The following NEDD9 variants were observed in gnomAD, a reference collection of about 807,000 sequenced individuals.
NEDD9 encodes enhancer of filamentation 1.
A neutral mutation model predicts 76.6 loss-of-function variants in NEDD9; 26 were observed. The observed-to-expected ratio is 0.34, with a 90% confidence interval of 0.25 to 0.47. The LOEUF is 0.47. Ranked by LOEUF, NEDD9 falls within the 20% of genes least tolerant of loss-of-function variation. NEDD9 has a pLI of 1.00. For synonymous variants in NEDD9, 392 were observed against 414.2 expected, an observed-to-expected ratio of 0.95 and a Z score of 0.65; for missense variants, 937 against 1,058.5, an observed-to-expected ratio of 0.89 and a Z score of 1.59.
Position 11,190,278 on chromosome 6 carries a change from A to T in NEDD9, c.1591T>A (p.Phe531Ile). The change falls in exon 5 of 7, where the codon TTT becomes ATT. Residue 531 changes from phenylalanine to isoleucine, a missense_variant. Coordinates refer to ENST00000379446, the MANE Select transcript of NEDD9 (RefSeq NM_006403.4). The surrounding 1 kb of genome is among the most constrained non-coding windows in gnomAD (Gnocchi z 5.8). ...GGCACCGTCTTTGCCACCATCACAA[A>T]CCGGTCCAGATCGTCACACTTGTTC... ...PQNKCDDLDR[F>I]VMVAKTVPDD... 1 of 1,614,082 alleles carries T rather than the reference A, an allele frequency of 6.2e-7. No individual in the cohort carries two copies. The highest frequency in any genetic ancestry group is 1.1e-5 in the South Asian group (1 of 91,066).
intron 2 of NEDD9, among the ~76,000 whole-genome samples, chr6:11,307,277 A>G (rs559112566): frequency 6.6e-6 from 1 of 152,148 alleles, no homozygotes; most frequent in Non-Finnish European, 1.5e-5. Flanking sequence ...TTCTACCAGG[A>G]TGGGAACAGC....
chr6:11,355,696 A>G (rs1339352362), intron 1 of NEDD9, among the ~76,000 whole-genome samples: 2 of 151,490 alleles, frequency 1.3e-5, no homozygotes, highest in Non-Finnish European at 2.9e-5. Context: ...TTTTCAAACC[A>G]TATTTTTGAG....
intron 1 of NEDD9, among the ~76,000 whole-genome samples, chr6:11,335,807 A>C (rs1762145564): frequency 6.6e-6 from 1 of 152,256 alleles, no homozygotes; most frequent in Non-Finnish European, 1.5e-5. Context: ...AGGATCTAAA[A>C]TTCACAGTCC....
chr6:11,339,286 T>C (rs1050715460), intron 1 of NEDD9, among the ~76,000 whole-genome samples: 2 of 152,246 alleles, frequency 1.3e-5, no homozygotes, highest in African/African-American at 4.8e-5. Context: ...GACTGCATAG[T>C]ATTTCTTTGA....
chr6:11,216,875 A>G (rs1323642960), intron 1 of NEDD9, among the ~76,000 whole-genome samples: 1 of 152,196 alleles, frequency 6.6e-6, no homozygotes, highest in Non-Finnish European at 1.5e-5. Flanking sequence ...CTTGCTCAGG[A>G]TTACATTTCA....
At chr6:11,246,152 G>A (rs1041129958) in intron 3 of NEDD9, among the ~76,000 whole-genome samples, 1 of 152,182 alleles carries the variant, frequency 6.6e-6, no homozygotes, top group African/African-American at 2.4e-5. Flanking sequence ...AAGGATAAAA[G>A]AATGTCATGG....
intron 2 of NEDD9, among the ~76,000 whole-genome samples, chr6:11,309,471 A>G (rs576915986): frequency 1.4e-4 from 21 of 152,230 alleles, no homozygotes; most frequent in African/African-American, 5.1e-4. Flanking sequence ...TGTGTTGCCC[A>G]GGCTGCCTCA....
At chr6:11,228,240 T>C (rs953788239) in intron 1 of NEDD9, among the ~76,000 whole-genome samples, 1 of 151,752 alleles carries the variant, frequency 6.6e-6, no homozygotes, top group Non-Finnish European at 1.5e-5. Context: ...GGGAGAGAAT[T>C]TGCAAAAAGG....
At chr6:11,363,065 A>T (rs1394666033) in intron 1 of NEDD9, among the ~76,000 whole-genome samples, 1 of 152,198 alleles carries the variant, frequency 6.6e-6, no homozygotes, top group Admixed American at 6.5e-5. Flanking sequence ...TGAAAAAAAA[A>T]ATACTAAAAG....
intron 2 of NEDD9, among the ~76,000 whole-genome samples, chr6:11,202,147 G>A (rs1444795167): frequency 2.0e-5 from 3 of 152,288 alleles, no homozygotes; most frequent in East Asian, 3.9e-4. Context: ...TTAAAAGTAG[G>A]TTTTACTAAG....
intron 3 of NEDD9, among the ~76,000 whole-genome samples, chr6:11,267,867 C>T (rs1453079604): frequency 6.6e-5 from 10 of 151,888 alleles, no homozygotes; most frequent in South Asian, 2.1e-4. Context: ...AGTATTATGC[C>T]GTAAGAATAG....
At chr6:11,298,959 G>A (rs1406264166) in intron 3 of NEDD9, among the ~76,000 whole-genome samples, 3 of 152,192 alleles carry the variant, frequency 2.0e-5, no homozygotes, top group African/African-American at 7.2e-5. Context: ...TTCCAACTGA[G>A]GCACCTGATT....
In NEDD9 at chr6:11,291,153, C is replaced by T. The variant is rs368362234; in HGVS notation, c.12+14839G>A. Among the ~76,000 whole-genome samples the T allele has an allele frequency of 7.2e-5, 11 of 151,950 alleles. No homozygotes were observed. In the East Asian group the frequency reaches 7.7e-4, roughly 11 times the overall value. On this transcript the variant is annotated intron_variant, in intron 3 of 3. Transcript: ENST00000397378. The stretch of plus-strand genomic sequence containing the variant: ...GTTGTGCTGAGCCACTGAGCTTGTA[C>T]GATTTCCTTGCTACTGCGGTTCACT...
intron 3 of NEDD9, among the ~76,000 whole-genome samples, chr6:11,304,509 A>T (rs1761129363): frequency 6.6e-6 from 1 of 152,246 alleles, no homozygotes; most frequent in African/African-American, 2.4e-5. Context: ...ATGCACACGT[A>T]TGTTTATTGG....
rs111447705 is a variant in NEDD9, at chr6:11,213,315, A to G, written c.425T>C (p.Ile142Thr). 6.3e-5 allele frequency: 101 copies of G among 1,611,914 alleles called. 2 individuals carry two copies. Among genetic ancestry groups the G allele is most frequent in the African/African-American group, 3.1e-4 (23 of 74,974 alleles). The change falls in exon 2 of 7, where the codon ATT becomes ACT. Residue 142 changes from isoleucine (I) to threonine (T), a missense_variant. Physicochemically the swap from Ile to Thr is moderately conservative, Grantham distance 89. Transcript: ENST00000379446. The surrounding 1 kb of genome is among the most constrained non-coding windows in gnomAD (Gnocchi z 5.4). ...YQVPPSVQRS[I>T]GGTSGPHVGK... ...CACGTGGGGCCCACTGGTTCCCCCA[A>G]TGCTTCTCTGCACTGATGGTGGCAC...
intron 1 of NEDD9, among the ~76,000 whole-genome samples, chr6:11,342,228 T>C (rs991311860): frequency 3.9e-5 from 6 of 152,114 alleles, no homozygotes; most frequent in Non-Finnish European, 7.4e-5. Context: ...CTTACGTCTA[T>C]TTGGTGTCCC....
chr6:11,188,348 G>T (rs1170721553), intron 5 of NEDD9, 41 bp from the exon 6 acceptor site: 2 of 1,458,796 alleles, frequency 1.4e-6, no homozygotes, highest in African/African-American at 1.4e-5. Context: ...TGTCATCACT[G>T]TGATTCACTT....
At chr6:11,296,108 C>T (rs938634901) in intron 3 of NEDD9, among the ~76,000 whole-genome samples, 1 of 152,068 alleles carries the variant, frequency 6.6e-6, no homozygotes, top group Non-Finnish European at 1.5e-5. Flanking sequence ...GGGAAGACCA[C>T]ACAGGGAGAA....
At chr6:11,332,612 C>T (rs944974628) in intron 2 of NEDD9, among the ~76,000 whole-genome samples, 1 of 152,238 alleles carries the variant, frequency 6.6e-6, no homozygotes, top group African/African-American at 2.4e-5. Context: ...CCTTTGCACT[C>T]TGTGCTTAAC....
Sources: gnomAD v4.1 joint callset for allele counts (sites outside exome capture counted in the v4.1 genomes callset) on GRCh38, gnomAD v4.1.1 for gene constraint, Gnocchi (gnomAD v3.1) non-coding constraint, MANE v1.5 for transcripts, NCBI Gene and HGNC (gene_info 2026-07-23, HGNC 2026-07-21) for gene names.